Variants in AGPAT4 observed in about 807,000 individuals in gnomAD.
AGPAT4 encodes 1-acylglycerol-3-phosphate O-acyltransferase 4.
A neutral mutation model predicts 48.0 loss-of-function variants in AGPAT4; 15 were observed. The observed-to-expected ratio is 0.31, with a 90% CI of 0.21 to 0.48. The LOEUF is 0.48. Ranked by LOEUF, AGPAT4 falls within the 20% of genes least tolerant of loss-of-function variation. The pLI, the probability that AGPAT4 is intolerant of heterozygous loss-of-function variation, is 0.99. For synonymous variants in AGPAT4, 178 were observed against 198.7 expected (o/e 0.90, Z 0.88); for missense variants, 314 against 482.5 (o/e 0.65, Z 3.27).
In AGPAT4 at chr6:161,136,784, C is replaced by A. The variant is rs1393908193; in HGVS notation, c.1043-150G>T. ...GTTTGAGGTGCCATCATCCTGCCGG[C>A]TTTACAATCATCCTTGAGTGTGGAC... On this transcript the variant is annotated intron_variant, in intron 8 of 8. Transcript: ENST00000320285. The A allele has an allele frequency of 1.1e-5, 7 of 648,454 alleles. No individual in the cohort carries two copies. In the East Asian group the frequency reaches 1.9e-4, roughly 18 times the overall value. The allele number at this position is 648,454 out of a possible 1,614,324, so 40.2% of individuals were successfully genotyped here.
Position 161,222,756 on chromosome 6 carries a change from C to T in AGPAT4, c.178+9280G>A, listed in dbSNP as rs777293645. Among the ~76,000 whole-genome samples, 5 of 152,112 alleles carry T rather than the reference C, an allele frequency of 3.3e-5. No homozygotes were observed. Among genetic ancestry groups the T allele is most frequent in the East Asian group, 1.9e-4 (1 of 5,188 alleles). On this transcript the variant is annotated intron_variant, in intron 2 of 8. Transcript: ENST00000320285. This position sits in a 1 kb window ranked among gnomAD's most constrained non-coding sequence, Gnocchi z 5.9. ...TCAATGGCTGCAAGTTGCTGCTAGG[C>T]GCTACTGTATGCCTGCCTGCTCTCC...
chr6:161,255,895 T>C lies in AGPAT4; in HGVS notation c.-90+18043A>G, dbSNP rs1241637961. ...TATAAATTATATCTCAATAAAGCTG[T>C]ATGTAAAAACAAAGAAAAAAACACT... is the stretch of plus-strand genomic sequence containing the variant. On this transcript the variant is annotated intron_variant, in intron 1 of 8. Coordinates refer to ENST00000320285, the MANE Select transcript of AGPAT4 (RefSeq NM_020133.3). This position sits in a 1 kb window ranked among gnomAD's most constrained non-coding sequence, Gnocchi z 4.7. Among the ~76,000 whole-genome samples, 2 of 152,120 alleles carry C rather than the reference T, an allele frequency of 1.3e-5. No homozygotes were observed. Among genetic ancestry groups the C allele is most frequent in the Non-Finnish European group, 2.9e-5 (2 of 68,030 alleles).
chr6:161,176,616 A>C (rs1780437099), intron 2 of AGPAT4, among the ~76,000 whole-genome samples: 2 of 152,156 alleles, frequency 1.3e-5, no homozygotes, highest in Admixed American at 6.5e-5. Flanking sequence ...TGTGTCTTTT[A>C]ATTGGAGCAT....
Position 161,245,388 on chromosome 6 carries a change from T to C in AGPAT4, c.-89-13086A>G, listed in dbSNP as rs1466212430. Among the ~76,000 whole-genome samples the C allele has an allele frequency of 6.6e-6, 1 of 152,214 alleles. No individual in the cohort carries two copies. The highest frequency in any genetic ancestry group is 1.9e-4 in the East Asian group (1 of 5,190). On this transcript the variant is annotated intron_variant, in intron 1 of 8. Transcript: ENST00000320285. The surrounding 1 kb of genome is among the most constrained non-coding windows in gnomAD (Gnocchi z 5.2). Reference sequence around the variant, plus strand: ...GCATTGGATATCAGTCCCAGTTTTATGGTTCTGGAAAATGGGAAATGGGGC... The same window carrying C: ...GCATTGGATATCAGTCCCAGTTTTACGGTTCTGGAAAATGGGAAATGGGGC...
Position 161,177,459 on chromosome 6 carries a change from C to T in AGPAT4, c.179-11042G>A, listed in dbSNP as rs1441952274. ...CGGCCACTGAAACTTGTGCATGTGT[C>T]ACGTAGTTCTCAAGCCATGGTTTTC... On this transcript the variant is annotated intron_variant, in intron 2 of 8. Coordinates refer to ENST00000320285, the MANE Select transcript of AGPAT4 (RefSeq NM_020133.3). The surrounding 1 kb of genome is among the most constrained non-coding windows in gnomAD (Gnocchi z 5.0). 6.6e-6 allele frequency among the ~76,000 whole-genome samples: 1 copy of T among 152,192 alleles called. No homozygotes were observed. Among genetic ancestry groups the T allele is most frequent in the Non-Finnish European group, 1.5e-5 (1 of 68,024 alleles).
chr6:161,154,875 C>T lies in AGPAT4; in HGVS notation c.349-565G>A, dbSNP rs2114967761. Among the ~76,000 whole-genome samples the T allele has an allele frequency of 6.6e-6, 1 of 152,402 alleles. No individual in the cohort carries two copies. The highest frequency in any genetic ancestry group is 6.5e-5 in the Admixed American group (1 of 15,314). ...TTTGAATCCGATTTTTCCGAGACAGCTCAACTCACTCTGCTGAGCTCTGCA... is the reference window on the plus strand; with the variant it reads ...TTTGAATCCGATTTTTCCGAGACAGTTCAACTCACTCTGCTGAGCTCTGCA... On this transcript the variant is annotated intron_variant, in intron 3 of 8. Transcript: ENST00000320285. The surrounding 1 kb of genome is among the most constrained non-coding windows in gnomAD (Gnocchi z 7.8).
Position 161,251,141 on chromosome 6 carries a change from A to G in AGPAT4, c.-89-18839T>C, listed in dbSNP as rs1782794471. Reference sequence around the variant, plus strand: ...TTTCTTATCCTGCAGAAAACTGATAAATGTTCACTCATTTTATCTAGTTTT... The same window carrying G: ...TTTCTTATCCTGCAGAAAACTGATAGATGTTCACTCATTTTATCTAGTTTT... On this transcript the variant is annotated intron_variant, in intron 1 of 8. Transcript: ENST00000320285. The surrounding 1 kb of genome is among the most constrained non-coding windows in gnomAD (Gnocchi z 4.6). Among the ~76,000 whole-genome samples, 1 of 152,170 alleles carries G rather than the reference A, an allele frequency of 6.6e-6. No individual in the cohort carries two copies. Among genetic ancestry groups the G allele is most frequent in the African/African-American group, 2.4e-5 (1 of 41,446 alleles).
chr6:161,270,655 G>GC lies in AGPAT4; in HGVS notation c.-90+3282dup, dbSNP rs1381726523. ...AAATTAGCTGGGCGTGGTGCCACATGCTTGTGATCCCAGCTACTCGGGAGG... is the reference window on the plus strand; with the variant it reads ...AAATTAGCTGGGCGTGGTGCCACATGCCTTGTGATCCCAGCTACTCGGGAGG... On this transcript the variant is annotated intron_variant, in intron 1 of 8. Coordinates refer to ENST00000320285, the MANE Select transcript of AGPAT4 (RefSeq NM_020133.3). This position sits in a 1 kb window ranked among gnomAD's most constrained non-coding sequence, Gnocchi z 5.3. Among the ~76,000 whole-genome samples the GC allele has an allele frequency of 6.6e-6, 1 of 152,144 alleles. No homozygotes were observed. The highest frequency in any genetic ancestry group is 1.9e-4 in the East Asian group (1 of 5,186).
In AGPAT4 at chr6:161,149,104, G is replaced by T; in HGVS notation, c.767+83C>A. 1 of 1,511,708 alleles carries T rather than the reference G, an allele frequency of 6.6e-7. No homozygotes were observed. The highest frequency in any genetic ancestry group is 1.8e-4 in the Middle Eastern group (1 of 5,688). 93.6% of individuals were successfully genotyped at this position (1,511,708 alleles called of 1,614,324 possible). A position where few individuals can be genotyped will look rare whatever the true frequency, so the allele number is the denominator to read the frequency against. Reference sequence around the variant, plus strand: ...AAGTCAGTGTGACCCAGGGATCCCTGGAAGAAAGTCTCTAGGTCATTTGTG... The same window carrying T: ...AAGTCAGTGTGACCCAGGGATCCCTTGAAGAAAGTCTCTAGGTCATTTGTG... On this transcript the variant is annotated intron_variant, in intron 6 of 8. Coordinates refer to ENST00000320285, the MANE Select transcript of AGPAT4 (RefSeq NM_020133.3). The surrounding 1 kb of genome is among the most constrained non-coding windows in gnomAD (Gnocchi z 6.5).
At chr6:161,250,938 T>C (rs1010677726) in intron 1 of AGPAT4, among the ~76,000 whole-genome samples, 5 of 152,216 alleles carry the variant, frequency 3.3e-5, no homozygotes, top group Non-Finnish European at 7.3e-5. Context: ...GATTGTGCCT[T>C]TATCCCTTGC....
At position 161,189,599 on chromosome 6, in the gene AGPAT4, C is replaced by T. The variant is rs187875441; in HGVS notation, c.179-23182G>A. On this transcript the variant is annotated intron_variant, in intron 2 of 8. Coordinates refer to ENST00000320285, the MANE Select transcript of AGPAT4 (RefSeq NM_020133.3). The surrounding 1 kb of genome is among the most constrained non-coding windows in gnomAD (Gnocchi z 5.3). ...AGCAACTTGCCCCAGGCCACTGAGA[C>T]GGTACGGACTTCTGTCTGTGCTGTA... is the stretch of plus-strand genomic sequence containing the variant. Among the ~76,000 whole-genome samples, 10 of 152,264 alleles carry T rather than the reference C, an allele frequency of 6.6e-5. No individual in the cohort carries two copies. The highest frequency in any genetic ancestry group is 4.6e-4 in the Admixed American group (7 of 15,302).
Position 161,221,326 on chromosome 6 carries a change from G to A in AGPAT4, c.178+10710C>T, listed in dbSNP as rs988878060. Among the ~76,000 whole-genome samples the A allele has an allele frequency of 6.6e-5, 10 of 152,070 alleles. No individual in the cohort carries two copies. The highest frequency in any genetic ancestry group is 1.7e-4 in the African/African-American group (7 of 41,414). On this transcript the variant is annotated intron_variant, in intron 2 of 8. Coordinates refer to ENST00000320285, the MANE Select transcript of AGPAT4 (RefSeq NM_020133.3). This position sits in a 1 kb window ranked among gnomAD's most constrained non-coding sequence, Gnocchi z 4.5. ...CCACGTCCAATGTCACCAGCCAGCC[G>A]CACTTTACTCCTTTGAGTTCCTGGA...
intron 1 of AGPAT4, among the ~76,000 whole-genome samples, chr6:161,237,708 A>C (rs574482327): frequency 9.8e-4 from 150 of 152,346 alleles, no homozygotes; most frequent in African/African-American, 3.4e-3. Flanking sequence ...AAATGTTGGC[A>C]GAAGGATTAT....
chr6:161,242,952 A>G lies in AGPAT4; in HGVS notation c.-89-10650T>C, dbSNP rs998761339. 6.6e-6 allele frequency among the ~76,000 whole-genome samples: 1 copy of G among 151,906 alleles called. No homozygotes were observed. Among genetic ancestry groups the G allele is most frequent in the African/African-American group, 2.4e-5 (1 of 41,322 alleles). ...GCGTGGTGGCACGTGCCTCCCAGCTACTCGGGAGACTGAAGCAGGAGAATT... is the reference window on the plus strand; with the variant it reads ...GCGTGGTGGCACGTGCCTCCCAGCTGCTCGGGAGACTGAAGCAGGAGAATT... On this transcript the variant is annotated intron_variant, in intron 1 of 8. Transcript: ENST00000320285. This position sits in a 1 kb window ranked among gnomAD's most constrained non-coding sequence, Gnocchi z 5.0.
At chr6:161,230,608 A>T (rs1179841952) in intron 2 of AGPAT4, among the ~76,000 whole-genome samples, 1 of 152,172 alleles carries the variant, frequency 6.6e-6, no homozygotes, top group Non-Finnish European at 1.5e-5. Flanking sequence ...CCCTGTTTGG[A>T]CAAGTTTTTC....
intron 2 of AGPAT4, among the ~76,000 whole-genome samples, chr6:161,185,440 G>T (rs1401614624): frequency 6.6e-6 from 1 of 151,976 alleles, no homozygotes; most frequent in Non-Finnish European, 1.5e-5. Context: ...ACAGGCCTGA[G>T]CCACCACACC....
At chr6:161,250,721 G>T (rs975020998) in intron 1 of AGPAT4, among the ~76,000 whole-genome samples, 1 of 151,956 alleles carries the variant, frequency 6.6e-6, no homozygotes, top group Non-Finnish European at 1.5e-5. Flanking sequence ...CAAAATATTT[G>T]TAGCTGTTTA....
rs1324638880 is a variant in AGPAT4, at chr6:161,251,397, A to G, written c.-89-19095T>C. Among the ~76,000 whole-genome samples the G allele has an allele frequency of 1.3e-5, 2 of 152,194 alleles. No homozygotes were observed. Among genetic ancestry groups the G allele is most frequent in the Non-Finnish European group, 2.9e-5 (2 of 68,026 alleles). On this transcript the variant is annotated intron_variant, in intron 1 of 8. Coordinates refer to ENST00000320285, the MANE Select transcript of AGPAT4 (RefSeq NM_020133.3). This position sits in a 1 kb window ranked among gnomAD's most constrained non-coding sequence, Gnocchi z 4.6. ...GGTCAATTCTCTAACTATTCCTTTG[A>G]TAGATGAGAAAGCTGACAGCTAGAG...
At position 161,219,966 on chromosome 6, in the gene AGPAT4, A is replaced by ACAGACAGG. The variant is rs1554236642; in HGVS notation, c.178+12069_178+12070insCCTGTCTG. On this transcript the variant is annotated intron_variant, in intron 2 of 8. Coordinates refer to ENST00000320285, the MANE Select transcript of AGPAT4 (RefSeq NM_020133.3). The surrounding 1 kb of genome is among the most constrained non-coding windows in gnomAD (Gnocchi z 4.9). The stretch of plus-strand genomic sequence containing the variant: ...GGCAGGCAGACAGACAGACAGACAG[A>ACAGACAGG]CAGGCAGGCAGATAGATACATTTAA... Among the ~76,000 whole-genome samples, 7 of 150,744 alleles carry ACAGACAGG rather than the reference A, an allele frequency of 4.6e-5. No homozygotes were observed. In the South Asian group the frequency reaches 6.3e-4, roughly 14 times the overall value.
Sources: gnomAD v4.1 joint callset for allele counts (sites outside exome capture counted in the v4.1 genomes callset) on GRCh38, gnomAD v4.1.1 for gene constraint, Gnocchi (gnomAD v3.1) non-coding constraint, MANE v1.5 for transcripts, NCBI Gene and HGNC (gene_info 2026-07-23, HGNC 2026-07-21) for gene names.